The following DSCAM variants were observed in gnomAD, a reference collection of about 807,000 sequenced individuals.
DSCAM encodes cell adhesion molecule DSCAM.
DSCAM carries 47 observed loss-of-function variants against 217.7 expected under a neutral mutation model. That is an observed-to-expected ratio of 0.22 (90% CI 0.17 to 0.28). The LOEUF (loss-of-function observed/expected upper bound fraction) is 0.28. Ranked by LOEUF, DSCAM falls within the 10% of genes least tolerant of loss-of-function variation. The pLI, the probability that DSCAM is intolerant of heterozygous loss-of-function variation, is 1.00. For missense variants in DSCAM, 2,080 were observed against 2,618.3 expected, an observed-to-expected ratio of 0.79 and a Z score of 4.49; for synonymous variants, 1,056 against 1,015.3, an observed-to-expected ratio of 1.04 and a Z score of -0.76.
rs572080099 is a variant in DSCAM at position 40,405,785 on chromosome 21, T to A, written c.509-36540A>T. ...GCCAAGGCAGGTGGATCACTTGAGG[T>A]CAGGAGTTCAAGACCAGCCTGGCTA... On this transcript the variant is annotated intron_variant, in intron 3 of 32. Transcript: ENST00000400454. Among the ~76,000 whole-genome samples, 464 of 152,182 alleles carry A rather than the reference T, an allele frequency of 3.0e-3. 1 individual carries two copies. The highest frequency in any genetic ancestry group is 0.021 in the Middle Eastern group (6 of 292).
intron 1 of DSCAM, among the ~76,000 whole-genome samples, chr21:40,786,455 C>T (rs770987595): frequency 6.6e-6 from 1 of 152,086 alleles, no homozygotes; most frequent in Non-Finnish European, 1.5e-5. Context: ...CAGCAGCACA[C>T]GGGAGCTTTT....
chr21:40,249,098 G>T (rs138027630), intron 11 of DSCAM, among the ~76,000 whole-genome samples: 33 of 152,304 alleles, frequency 2.2e-4, no homozygotes, highest in Middle Eastern at 3.4e-3. Flanking sequence ...TTCTAGTAGA[G>T]ATTTGGATGG....
intron 16 of DSCAM, among the ~76,000 whole-genome samples, chr21:40,159,158 C>T (rs1460858974): frequency 1.3e-5 from 2 of 152,148 alleles, no homozygotes; most frequent in African/African-American, 4.8e-5. Flanking sequence ...AAACTAATGT[C>T]ATGTTTCTTC....
intron 11 of DSCAM, among the ~76,000 whole-genome samples, chr21:40,245,493 C>T (rs910089853): frequency 2.6e-5 from 4 of 152,178 alleles, no homozygotes; most frequent in Non-Finnish European, 5.9e-5. Context: ...GCTGGGATGG[C>T]TTCTGAAGAT....
intron 11 of DSCAM, among the ~76,000 whole-genome samples, chr21:40,219,030 G>A (rs2146899291): frequency 6.6e-6 from 1 of 152,320 alleles, no homozygotes; most frequent in South Asian, 2.1e-4. Context: ...GGAGCAGTGA[G>A]AGAGGGCATC....
chr21:40,621,581 C>T (rs1273947809), intron 3 of DSCAM, among the ~76,000 whole-genome samples: 1 of 148,470 alleles, frequency 6.7e-6, no homozygotes, highest in Non-Finnish European at 1.5e-5. Flanking sequence ...GCTTGGGGAC[C>T]AGATGGGATG....
chr21:40,220,916 T>C (rs920081521), intron 11 of DSCAM, among the ~76,000 whole-genome samples: 1 of 152,210 alleles, frequency 6.6e-6, no homozygotes, highest in Non-Finnish European at 1.5e-5. Context: ...TTACAACGTG[T>C]TGTCTGAGGT....
chr21:40,564,654 A>G (rs188096745), intron 3 of DSCAM, among the ~76,000 whole-genome samples: 74 of 152,216 alleles, frequency 4.9e-4, no homozygotes, highest in Non-Finnish European at 1.5e-4. Context: ...GTCTCTACTC[A>G]TGGGATTGTT....
rs530305903 is a variant in DSCAM, at chr21:40,774,441, C to T, written c.44-65670G>A. On this transcript the variant is annotated intron_variant, in intron 1 of 32. Coordinates refer to ENST00000400454, the MANE Select transcript of DSCAM (RefSeq NM_001389.5). ...CAAACAGCCTTCCAGGCTCCACTTT[C>T]GGAAAGGTACACATGAGTGACAGTT... Among the ~76,000 whole-genome samples the T allele has an allele frequency of 5.9e-5, 9 of 152,328 alleles. No homozygotes were observed. In the East Asian group the frequency reaches 1.2e-3, roughly 20 times the overall value.
At chr21:40,514,032 G>A (rs2076280516) in intron 3 of DSCAM, among the ~76,000 whole-genome samples, 1 of 152,050 alleles carries the variant, frequency 6.6e-6, no homozygotes, top group South Asian at 2.1e-4. Flanking sequence ...AATTCATAAG[G>A]AACCTCCAAG....
At chr21:40,365,728 T>A (rs1366193971) in intron 4 of DSCAM, among the ~76,000 whole-genome samples, 1 of 152,128 alleles carries the variant, frequency 6.6e-6, no homozygotes, top group Non-Finnish European at 1.5e-5. Flanking sequence ...CAGTCCTCAA[T>A]ACCAAACTCA....
chr21:40,411,175 T>C (rs13049946), intron 3 of DSCAM, among the ~76,000 whole-genome samples: 4,378 of 45,078 alleles, frequency 0.097, 277 homozygotes, highest in African/African-American at 0.21. Context: ...AGTAATTATA[T>C]ACACACACAC....
At chr21:40,818,515 C>T (rs1752707658) in intron 1 of DSCAM, among the ~76,000 whole-genome samples, 1 of 133,940 alleles carries the variant, frequency 7.5e-6, no homozygotes. Context: ...CACTGCACTC[C>T]AGCCTGGGCT....
intron 28 of DSCAM, among the ~76,000 whole-genome samples, 199 bp from the exon 29 acceptor site, chr21:40,056,039 T>G (rs2089016222): frequency 6.6e-6 from 1 of 152,238 alleles, no homozygotes; most frequent in Non-Finnish European, 1.5e-5. Flanking sequence ...TTCAGCTGGC[T>G]GGAGAGTTTC....
intron 4 of DSCAM, among the ~76,000 whole-genome samples, chr21:40,367,761 CTT>C (rs1025679614): frequency 1.3e-5 from 2 of 152,148 alleles, no homozygotes; most frequent in South Asian, 2.1e-4. Context: ...AATGCTCAGT[CTT>C]ATTCCTTGGC....
At chr21:40,374,072 A>G (rs928808385) in intron 3 of DSCAM, among the ~76,000 whole-genome samples, 1 of 152,234 alleles carries the variant, frequency 6.6e-6, no homozygotes, top group African/African-American at 2.4e-5. Flanking sequence ...AAAAAAAGGG[A>G]TAAGTGAGGT....
intron 1 of DSCAM, among the ~76,000 whole-genome samples, chr21:40,732,465 G>A (rs924004304): frequency 3.3e-5 from 5 of 152,204 alleles, no homozygotes; most frequent in Admixed American, 3.3e-4. Flanking sequence ...ATCACAAGAA[G>A]AATGCATGTT....
At chr21:40,579,332 A>G (rs1177952561) in intron 3 of DSCAM, among the ~76,000 whole-genome samples, 1 of 152,110 alleles carries the variant, frequency 6.6e-6, no homozygotes, top group East Asian at 1.9e-4. Flanking sequence ...AGCAGTGAGG[A>G]AAAAAAGCTG....
At position 40,741,722 on chromosome 21, in the gene DSCAM, G is replaced by A. The variant is rs567395483; in HGVS notation, c.44-32951C>T. On this transcript the variant is annotated intron_variant, in intron 1 of 32. Transcript: ENST00000400454. ...AGCAGTAATACTGCAGCCCCATCCAGATGAAATAAATCAGAATGTCTGTCA... is the reference window on the plus strand; with the variant it reads ...AGCAGTAATACTGCAGCCCCATCCAAATGAAATAAATCAGAATGTCTGTCA... Among the ~76,000 whole-genome samples, 36 of 152,310 alleles carry A rather than the reference G, an allele frequency of 2.4e-4. 1 individual carries two copies. The South Asian group carries it at 6.8e-3, about 29-fold the overall frequency.
Sources: allele counts gnomAD v4.1 joint callset (sites outside exome capture counted in the v4.1 genomes callset), GRCh38; gene constraint gnomAD v4.1.1; transcripts MANE v1.5; gene names NCBI Gene and HGNC (gene_info 2026-07-23, HGNC 2026-07-21).